Variants in PCOLCE2 observed in about 807,000 individuals in gnomAD.
PCOLCE2 encodes the protein procollagen C-endopeptidase enhancer 2, also known as procollagen C-proteinase enhancer 2.
Under a neutral mutation model 47.0 loss-of-function variants are expected in PCOLCE2, and 42 were observed. The observed-to-expected ratio is 0.89, with a 90% CI of 0.70 to 1.16. PCOLCE2 has a LOEUF of 1.16. Ranked by LOEUF, PCOLCE2 falls within the 50% of genes most tolerant of loss-of-function variation. The pLI is 0.00. For synonymous variants in PCOLCE2, 169 were observed against 191.7 expected (o/e 0.88, Z 0.98); for missense variants, 500 against 526.1 (o/e 0.95, Z 0.49).
At chr3:142,851,989 G>C (rs180764772) in intron 2 of PCOLCE2, among the ~76,000 whole-genome samples, 291 of 152,296 alleles carry the variant, frequency 1.9e-3, no homozygotes, top group Middle Eastern at 0.01. Flanking sequence ...ATTTGAGAAT[G>C]AGACACAAAT....
At chr3:142,841,722 A>C (rs1338362287) in intron 4 of PCOLCE2, among the ~76,000 whole-genome samples, 1 of 152,218 alleles carries the variant, frequency 6.6e-6, no homozygotes, top group African/African-American at 2.4e-5. Flanking sequence ...TATTAGCTTA[A>C]ATAATTTTCT....
intron 6 of PCOLCE2, chr3:142,827,614 G>A: frequency 6.8e-7 from 1 of 1,475,278 alleles, no homozygotes; most frequent in Non-Finnish European, 9.5e-7. Flanking sequence ...ACACAAACTG[G>A]CCCGTGTGAA....
chr3:142,855,325 C>T (rs4515017), intron 2 of PCOLCE2, among the ~76,000 whole-genome samples: 73,227 of 150,018 alleles, frequency 0.49, 19,366 homozygotes, highest in Non-Finnish European at 0.61. Flanking sequence ...TAAATGACTG[C>T]GATCCTTATA....
At chr3:142,827,512 C>T (rs7642969) in intron 6 of PCOLCE2, 435,442 of 1,476,160 alleles carry the variant, frequency 0.29, 67,797 homozygotes, top group African/African-American at 0.55. Context: ...GGCCTCCAGG[C>T]TTCTCCTCCA....
intron 2 of PCOLCE2, among the ~76,000 whole-genome samples, chr3:142,853,599 T>C (rs1932999938): frequency 6.6e-6 from 1 of 152,216 alleles, no homozygotes; most frequent in Non-Finnish European, 1.5e-5. Flanking sequence ...ATATACCTAC[T>C]GCTGGCTCCA....
At chr3:142,843,348 C>G (rs1484153584) in intron 3 of PCOLCE2, 2 of 469,838 alleles carry the variant, frequency 4.3e-6, no homozygotes, top group African/African-American at 4.0e-5. Context: ...TATGCACTCA[C>G]TCAGAAAGCT....
intron 2 of PCOLCE2, among the ~76,000 whole-genome samples, chr3:142,878,424 G>A (rs1431008180): frequency 6.6e-6 from 1 of 152,140 alleles, no homozygotes; most frequent in East Asian, 1.9e-4. Flanking sequence ...AAGTGCTATT[G>A]CCACCGTTGA....
chr3:142,839,290 T>C (rs1258595835), intron 4 of PCOLCE2, among the ~76,000 whole-genome samples: 2 of 152,110 alleles, frequency 1.3e-5, no homozygotes, highest in African/African-American at 4.8e-5. Context: ...TAACATATAA[T>C]AAACTTCAAA....
chr3:142,856,612 C>T (rs1315398099), intron 2 of PCOLCE2, among the ~76,000 whole-genome samples: 2 of 152,186 alleles, frequency 1.3e-5, no homozygotes, highest in Admixed American at 6.5e-5. Context: ...GCCGAACCCA[C>T]AGAAGCAGGA....
At chr3:142,843,176 TAC>T (rs1405547004) in intron 3 of PCOLCE2, 128 bp from the exon 4 acceptor site, 2 of 877,490 alleles carry the variant, frequency 2.3e-6, no homozygotes. Flanking sequence ...CAGAAGCGCT[TAC>T]ATTTTCTCTT....
intron 5 of PCOLCE2, among the ~76,000 whole-genome samples, chr3:142,833,955 T>A (rs182079801): frequency 6.6e-6 from 1 of 152,336 alleles, no homozygotes; most frequent in Admixed American, 6.5e-5. Flanking sequence ...AAGTTTCTAA[T>A]CCATCTGTCA....
At chr3:142,821,098 G>A in intron 7 of PCOLCE2, 53 bp from the exon 8 acceptor site, 1 of 1,387,020 alleles carries the variant, frequency 7.2e-7, no homozygotes, top group Non-Finnish European at 1.0e-6. Flanking sequence ...AATGCAAGCA[G>A]AACTGAAAAA....
At chr3:142,829,627 AC>A (rs1456753661) in intron 6 of PCOLCE2, 64 bp downstream of exon 6, 7 of 1,220,334 alleles carry the variant, frequency 5.7e-6, no homozygotes, top group Non-Finnish European at 7.9e-6. Flanking sequence ...TTTTTTTTCT[AC>A]TTTAAAAGAA....
At chr3:142,820,189 C>T (rs560249597) in intron 8 of PCOLCE2, among the ~76,000 whole-genome samples, 1 of 151,834 alleles carries the variant, frequency 6.6e-6, no homozygotes. Context: ...AATCCTCCCA[C>T]CTCGGCCTCC....
At chr3:142,841,318 T>C (rs1937262483) in intron 4 of PCOLCE2, among the ~76,000 whole-genome samples, 1 of 152,164 alleles carries the variant, frequency 6.6e-6, no homozygotes, top group South Asian at 2.1e-4. Context: ...AACACAGTGA[T>C]TAAGAACTCA....
chr3:142,880,348 T>G (rs1000075500), intron 2 of PCOLCE2, among the ~76,000 whole-genome samples: 6 of 152,122 alleles, frequency 3.9e-5, no homozygotes, highest in African/African-American at 4.8e-5. Context: ...AAAATTCCAT[T>G]CCCCTATCTG....
chr3:142,825,078 A>G (rs1484829295), intron 6 of PCOLCE2, among the ~76,000 whole-genome samples: 1 of 152,204 alleles, frequency 6.6e-6, no homozygotes, highest in African/African-American at 2.4e-5. Flanking sequence ...AGCTCAGAAG[A>G]TGTTTGGAAG....
intron 6 of PCOLCE2, chr3:142,827,632 G>C: frequency 6.8e-7 from 1 of 1,469,092 alleles, no homozygotes; most frequent in South Asian, 1.1e-5. Flanking sequence ...GAATGCCCTC[G>C]GCAGCAATGA....
At chr3:142,873,405 A>G (rs529771652) in intron 2 of PCOLCE2, among the ~76,000 whole-genome samples, 1 of 152,012 alleles carries the variant, frequency 6.6e-6, no homozygotes, top group East Asian at 1.9e-4. Flanking sequence ...AAAAAAAAAA[A>G]AAAAGAAAAA....
Sources: gnomAD v4.1 joint callset for allele counts (sites outside exome capture counted in the v4.1 genomes callset) on GRCh38, gnomAD v4.1.1 for gene constraint, MANE v1.5 for transcripts, NCBI Gene and HGNC (gene_info 2026-07-23, HGNC 2026-07-21) for gene names.